Variants in BAIAP2L1 observed in about 807,000 individuals in gnomAD.
The protein encoded by BAIAP2L1 is BAR/IMD domain containing adaptor protein 2 like 1.
In BAIAP2L1, 35 loss-of-function variants were observed where a neutral mutation model predicts 66.3. The ratio of observed to expected loss-of-function variants is 0.53; its 90% CI spans 0.40 to 0.70. The LOEUF (loss-of-function observed/expected upper bound fraction) is 0.70. Ranked by LOEUF, BAIAP2L1 falls within the 30% of genes least tolerant of loss-of-function variation. BAIAP2L1 has a pLI of 0.00. For synonymous variants in BAIAP2L1, 269 were observed against 248.7 expected (o/e 1.08, Z -0.77); for missense variants, 622 against 656.9 (o/e 0.95, Z 0.58).
rs537866650 is a variant in BAIAP2L1 at position 98,382,452 on chromosome 7, C to T, written c.51+18350G>A. On this transcript the variant is annotated intron_variant, in intron 1 of 13. Transcript: ENST00000005260. ...CTTGAGGCCAGGAGTTTGAAACCAGCCTAAGCAACACAGGGAGACTGTGTC... is the reference window on the plus strand; with the variant it reads ...CTTGAGGCCAGGAGTTTGAAACCAGTCTAAGCAACACAGGGAGACTGTGTC... Among the ~76,000 whole-genome samples, 13 of 151,956 alleles carry T rather than the reference C, an allele frequency of 8.6e-5. 1 individual carries two copies. In the Middle Eastern group the frequency reaches 0.01, roughly 119 times the overall value.
At chr7:98,352,649 CA>C (rs920341051) in intron 3 of BAIAP2L1, among the ~76,000 whole-genome samples, 3 of 151,942 alleles carry the variant, frequency 2.0e-5, no homozygotes, top group African/African-American at 7.2e-5. Flanking sequence ...CTCAAAAAAA[CA>C]AAAACAAAAA....
chr7:98,326,926 A>G (rs541506903), intron 3 of BAIAP2L1, among the ~76,000 whole-genome samples: 1 of 152,246 alleles, frequency 6.6e-6, no homozygotes, highest in Non-Finnish European at 1.5e-5. Context: ...TTCAATGGAC[A>G]ATCAAAACAA....
At chr7:98,356,665 T>TAA (rs35660519) in intron 2 of BAIAP2L1, among the ~76,000 whole-genome samples, 12 of 106,764 alleles carry the variant, frequency 1.1e-4, no homozygotes, top group South Asian at 6.9e-4. Flanking sequence ...CCTGGCTAAT[T>TAA]AAAAAAAAAA....
chr7:98,307,615 C>T (rs1374864901), intron 10 of BAIAP2L1, 74 bp downstream of exon 10: 4 of 1,586,188 alleles, frequency 2.5e-6, no homozygotes, highest in Non-Finnish European at 3.4e-6. Flanking sequence ...TCCACGAAGA[C>T]AGTTTGCAGC....
chr7:98,386,141 T>C (rs1802885560), intron 1 of BAIAP2L1: 1 of 1,593,548 alleles, frequency 6.3e-7, no homozygotes, highest in Non-Finnish European at 8.5e-7. Context: ...GTCTTCCGTA[T>C]CTGATTGTTG....
intron 7 of BAIAP2L1, among the ~76,000 whole-genome samples, chr7:98,313,982 CTTTTTTTTT>C (rs35599338): frequency 4.0e-5 from 4 of 100,940 alleles, no homozygotes; most frequent in African/African-American, 7.4e-5. Flanking sequence ...CTTTTTCTTC[CTTTTTTTTT>C]TTTTTTTTTT....
intron 10 of BAIAP2L1, 122 bp from the exon 11 acceptor site, chr7:98,306,638 G>T: frequency 4.2e-6 from 6 of 1,416,930 alleles, no homozygotes; most frequent in Admixed American, 2.2e-5. Context: ...CCCATGTGTG[G>T]AGGAAATGAA....
rs578218890 is a variant in BAIAP2L1 at position 98,316,960 on chromosome 7, T to C, written c.486+259A>G. On this transcript the variant is annotated intron_variant, in intron 6 of 13. Transcript: ENST00000005260. ...CTCACTGCAACCTCTGCCTCCCAAG[T>C]TCAAGCAATTCTCCTGCCTCAGCCT... is the stretch of plus-strand genomic sequence containing the variant. Among the ~76,000 whole-genome samples, 50 of 114,888 alleles carry C rather than the reference T, an allele frequency of 4.4e-4. No individual in the cohort carries two copies. The South Asian group carries it at 5.7e-3, about 13-fold the overall frequency. The allele number at this position is 114,888 out of a possible 152,430, so 75.4% of individuals were successfully genotyped here. A position where few individuals can be genotyped will look rare whatever the true frequency, so the allele number is the denominator to read the frequency against.
chr7:98,307,602 A>G, intron 10 of BAIAP2L1, 87 bp downstream of exon 10: 1 of 1,561,490 alleles, frequency 6.4e-7, no homozygotes, highest in Admixed American at 1.9e-5. Flanking sequence ...AAATGTGAGC[A>G]TGTCCACGAA....
At chr7:98,351,877 TCA>T (rs1404734607) in intron 3 of BAIAP2L1, among the ~76,000 whole-genome samples, 1 of 152,182 alleles carries the variant, frequency 6.6e-6, no homozygotes, top group South Asian at 2.1e-4. Flanking sequence ...GGCACCGCTG[TCA>T]CAGAGGCCGA....
chr7:98,318,877 G>A (rs1473498292), intron 5 of BAIAP2L1, among the ~76,000 whole-genome samples: 1 of 150,110 alleles, frequency 6.7e-6, no homozygotes, highest in Non-Finnish European at 1.5e-5. Context: ...CCAGGAGGCG[G>A]AGGTTGCAGT....
rs62478232 is a variant in BAIAP2L1 at position 98,392,878 on chromosome 7, C to T, written c.51+7924G>A. Among the ~76,000 whole-genome samples, 500 of 151,932 alleles carry T rather than the reference C, an allele frequency of 3.3e-3. 3 individuals are homozygous for T. The highest frequency in any genetic ancestry group is 0.011 in the African/African-American group (473 of 41,466). Reference sequence around the variant, plus strand: ...TGCAGTCTCAGCTCACTGCAACCTCCGCCTCCCAGGTTCAGGCAATTCTCC... The same window carrying T: ...TGCAGTCTCAGCTCACTGCAACCTCTGCCTCCCAGGTTCAGGCAATTCTCC... On this transcript the variant is annotated intron_variant, in intron 1 of 13. Coordinates refer to ENST00000005260, the MANE Select transcript of BAIAP2L1 (RefSeq NM_018842.5).
intron 1 of BAIAP2L1, among the ~76,000 whole-genome samples, chr7:98,363,992 T>C (rs1034593222): frequency 1.1e-4 from 16 of 151,950 alleles, no homozygotes; most frequent in African/African-American, 3.6e-4. Context: ...CCTATTTTTG[T>C]ATTTATTGCT....
At chr7:98,309,742 C>A (rs1301936840) in intron 9 of BAIAP2L1, 1 of 152,310 alleles carries the variant, frequency 6.6e-6, no homozygotes, top group Non-Finnish European at 1.5e-5. Context: ...TGTGAGACAC[C>A]CCACGTGGAT....
Position 98,317,297 on chromosome 7 carries a change from G to A in BAIAP2L1, c.408C>T (p.Ser136=), listed in dbSNP as rs1207164128. 6 of 1,614,146 alleles carry A rather than the reference G, an allele frequency of 3.7e-6. No homozygotes were observed. The highest frequency in any genetic ancestry group is 1.7e-5 in the Admixed American group (1 of 60,014). The change falls in exon 6 of 14, where the codon TCC becomes TCT. Residue 136 remains serine (S), a synonymous_variant. Coordinates refer to ENST00000005260, the MANE Select transcript of BAIAP2L1 (RefSeq NM_018842.5). ...HKNKLESLEK[S]QAELKKIRRK... Reference sequence around the variant, plus strand: ...TTCTGATCTTCTTCAACTCAGCTTGGGATTTCTCCAAAGACTCTAATTTAT... The same window carrying A: ...TTCTGATCTTCTTCAACTCAGCTTGAGATTTCTCCAAAGACTCTAATTTAT...
rs74743705 is a variant in BAIAP2L1, at chr7:98,337,640, G to A, written c.215-17342C>T. Among the ~76,000 whole-genome samples, 162 of 152,354 alleles carry A rather than the reference G, an allele frequency of 1.1e-3. 1 individual carries two copies. Among genetic ancestry groups the A allele is most frequent in the African/African-American group, 3.6e-3 (150 of 41,582 alleles). ...AGGTTTCATAGTTGGGTATGTGGCC[G>A]GGCGCGGTGGCTCACGCCTGTAATC... On this transcript the variant is annotated intron_variant, in intron 3 of 13. Coordinates refer to ENST00000005260, the MANE Select transcript of BAIAP2L1 (RefSeq NM_018842.5).
At chr7:98,322,147 G>A (rs1267694371) in intron 3 of BAIAP2L1, among the ~76,000 whole-genome samples, 1 of 152,090 alleles carries the variant, frequency 6.6e-6, no homozygotes, top group Admixed American at 6.6e-5. Context: ...CTGCAGGGGA[G>A]GAATCGGAAT....
At chr7:98,301,830 T>A (rs1274868046) in intron 12 of BAIAP2L1, among the ~76,000 whole-genome samples, 1 of 152,032 alleles carries the variant, frequency 6.6e-6, no homozygotes, top group Non-Finnish European at 1.5e-5. Context: ...GGGTGTGAGC[T>A]GAGAATACCA....
chr7:98,296,618 C>T (rs1011753405), intron 12 of BAIAP2L1, among the ~76,000 whole-genome samples: 4 of 152,008 alleles, frequency 2.6e-5, no homozygotes, highest in African/African-American at 4.8e-5. Flanking sequence ...AGTGAGACTC[C>T]ATCTGTAAAA....
Sources: gnomAD v4.1 joint callset for allele counts (sites outside exome capture counted in the v4.1 genomes callset) on GRCh38, gnomAD v4.1.1 for gene constraint, MANE v1.5 for transcripts, NCBI Gene and HGNC (gene_info 2026-07-23, HGNC 2026-07-21) for gene names.